C1orf162: variants seen among roughly 807,000 people sequenced by gnomAD.
The protein encoded by C1orf162 is chromosome 1 open reading frame 162, also known as transmembrane protein C1orf162.
Under a neutral mutation model 11.4 loss-of-function variants are expected in C1orf162, and 10 were observed. The ratio of observed to expected loss-of-function variants is 0.88; its 90% CI spans 0.54 to 1.48. The LOEUF (loss-of-function observed/expected upper bound fraction) is 1.48. Among genes scored for constraint, C1orf162 ranks in the 40% most tolerant of loss-of-function variants. The probability of loss-of-function intolerance (pLI) is 0.00; values close to 1 mark genes in which losing one functional copy is unlikely to be tolerated. For synonymous variants in C1orf162, 53 were observed against 55.0 expected, an observed-to-expected ratio of 0.96 and a Z score of 0.16; for missense variants, 140 against 149.5, an observed-to-expected ratio of 0.94 and a Z score of 0.33.
chr1:111,477,787 A>G lies in C1orf162; in HGVS notation c.252+12A>G. ...ATCCTCCAGCCAAGGTAAGATGACC[A>G]CACTGTTTTGGGGACACTGAAGGGC... On this transcript the variant is annotated intron_variant, in intron 5 of 5. Transcript: ENST00000369718. 1 of 1,613,956 alleles carries G rather than the reference A, an allele frequency of 6.2e-7. No individual in the cohort carries two copies. Among genetic ancestry groups the G allele is most frequent in the Non-Finnish European group, 8.5e-7 (1 of 1,179,890 alleles).
intron 1 of C1orf162, 116 bp downstream of exon 1, chr1:111,474,146 G>A (rs1653920017): frequency 6.6e-6 from 1 of 152,232 alleles, no homozygotes; most frequent in Admixed American, 6.5e-5. Context: ...AGGAAGGGTT[G>A]TATTTGAATG....
chr1:111,477,470 C>T, intron 4 of C1orf162, 42 bp downstream of exon 4: 1 of 1,557,398 alleles, frequency 6.4e-7, no homozygotes, highest in Admixed American at 1.7e-5. Flanking sequence ...TCTCTCTCTG[C>T]CATTGATACT....
rs778838154 is a variant in C1orf162 at position 111,477,945 on chromosome 1, A to G, written c.253-38A>G. The G allele has an allele frequency of 1.9e-6, 3 of 1,613,872 alleles. No homozygotes were observed. In the Admixed American group the frequency reaches 5.0e-5, roughly 27 times the overall value. ...TCTAAAGAGCAACCTTTTGCTCCAG[A>G]CTGGACTCACTCATTCCTCCTTTTT... On this transcript the variant is annotated intron_variant, in intron 5 of 5. Coordinates refer to ENST00000369718, the MANE Select transcript of C1orf162 (RefSeq NM_001300834.2).
Position 111,478,416 on chromosome 1 carries a change from T to C in C1orf162, c.*293T>C, listed in dbSNP as rs1043644309. On this transcript the variant is annotated 3_prime_UTR_variant, in exon 6 of 6. Coordinates refer to ENST00000369718, the MANE Select transcript of C1orf162 (RefSeq NM_001300834.2). ...CCAAAGTGTGTGGTACAGAGCTCAGTGCACAGAGTATTCACCCAGCATCAT... is the reference window on the plus strand; with the variant it reads ...CCAAAGTGTGTGGTACAGAGCTCAGCGCACAGAGTATTCACCCAGCATCAT... 2.2e-5 allele frequency: 9 copies of C among 405,318 alleles called. No individual in the cohort carries two copies. The highest frequency in any genetic ancestry group is 1.6e-4 in the African/African-American group (8 of 50,186). 25.1% of individuals were successfully genotyped at this position (405,318 alleles called of 1,614,324 possible).
intron 2 of C1orf162, among the ~76,000 whole-genome samples, chr1:111,476,492 A>C (rs1027789577): frequency 1.3e-5 from 2 of 152,156 alleles, no homozygotes; most frequent in African/African-American, 4.8e-5. Context: ...CTTAGGCCAG[A>C]GGGAGCATAT....
At chr1:111,477,610 C>T (rs748748379) in intron 4 of C1orf162, 116 bp from the exon 5 acceptor site, 3 of 1,570,136 alleles carry the variant, frequency 1.9e-6, no homozygotes, top group Middle Eastern at 1.8e-4. Flanking sequence ...GCCCCCCACC[C>T]ACCTGCCAAC....
intron 4 of C1orf162, 110 bp from the exon 5 acceptor site, chr1:111,477,616 C>T: frequency 6.3e-7 from 1 of 1,595,130 alleles, no homozygotes; most frequent in Non-Finnish European, 8.6e-7. Flanking sequence ...CACCCACCTG[C>T]CAACACCTCC....
chr1:111,476,897 C>G (rs753788162), intron 3 of C1orf162, 30 bp downstream of exon 3: 1 of 1,604,806 alleles, frequency 6.2e-7, no homozygotes. Context: ...TCTGTTTCAT[C>G]TTGTACCACG....
At chr1:111,477,308 TC>T (rs1398874623) in intron 3 of C1orf162, 25 bp from the exon 4 acceptor site, 1 of 1,590,272 alleles carries the variant, frequency 6.3e-7, no homozygotes, top group South Asian at 1.1e-5. Flanking sequence ...CAACAGTTCA[TC>T]CCCTGCCTTT....
At position 111,478,219 on chromosome 1, in the gene C1orf162, C is replaced by A; in HGVS notation, c.*96C>A. 1 of 1,406,162 alleles carries A rather than the reference C, an allele frequency of 7.1e-7. No homozygotes were observed. The highest frequency in any genetic ancestry group is 1.0e-6 in the Non-Finnish European group (1 of 1,004,582). The allele number at this position is 1,406,162 out of a possible 1,614,324, so 87.1% of individuals were successfully genotyped here. On this transcript the variant is annotated 3_prime_UTR_variant, in exon 6 of 6. Coordinates refer to ENST00000369718, the MANE Select transcript of C1orf162 (RefSeq NM_001300834.2). ...TTTTTTACAAATTTTGGACCACCAC[C>A]TGTGTGAAACTGCAGTCGGAGTTGT...
intron 1 of C1orf162, 61 bp from the exon 2 acceptor site, chr1:111,475,957 C>A: frequency 7.4e-7 from 1 of 1,343,522 alleles, no homozygotes; most frequent in African/African-American, 1.4e-5. Context: ...AGTCTCAGAG[C>A]TGGCCCTTAA....
chr1:111,477,013 G>A, intron 3 of C1orf162, 146 bp downstream of exon 3: 1 of 872,560 alleles, frequency 1.1e-6, no homozygotes, highest in East Asian at 2.6e-5. Context: ...TGTGATCTCA[G>A]GAGTATGGCT....
rs1253986129 is a variant in C1orf162, at chr1:111,477,779, A to T, written c.252+4A>T. ...TCACTCAGATCCTCCAGCCAAGGTA[A>T]GATGACCACACTGTTTTGGGGACAC... On this transcript the variant is annotated splice_donor_region_variant and intron_variant, in intron 5 of 5. Transcript: ENST00000369718. 6.2e-7 allele frequency: 1 copy of T among 1,614,036 alleles called. No homozygotes were observed. Among genetic ancestry groups the T allele is most frequent in the African/African-American group, 1.3e-5 (1 of 74,906 alleles).
Position 111,477,785 on chromosome 1 carries a change from C to T in C1orf162, c.252+10C>T. On this transcript the variant is annotated intron_variant, in intron 5 of 5. Coordinates refer to ENST00000369718, the MANE Select transcript of C1orf162 (RefSeq NM_001300834.2). Reference sequence around the variant, plus strand: ...AGATCCTCCAGCCAAGGTAAGATGACCACACTGTTTTGGGGACACTGAAGG... The same window carrying T: ...AGATCCTCCAGCCAAGGTAAGATGATCACACTGTTTTGGGGACACTGAAGG... The T allele has an allele frequency of 4.3e-6, 7 of 1,614,036 alleles. No individual in the cohort carries two copies. The highest frequency in any genetic ancestry group is 5.9e-6 in the Non-Finnish European group (7 of 1,179,916).
chr1:111,477,301 C>G, intron 3 of C1orf162, 33 bp from the exon 4 acceptor site: 2 of 1,573,008 alleles, frequency 1.3e-6, no homozygotes, highest in East Asian at 4.5e-5. Flanking sequence ...AAAAGCCCAA[C>G]AGTTCATCCC....
At position 111,477,300 on chromosome 1, in the gene C1orf162, A is replaced by G. The variant is rs746620063; in HGVS notation, c.108-34A>G. On this transcript the variant is annotated intron_variant, in intron 3 of 5. Transcript: ENST00000369718. ...TTTAGGAAAGGCCTTCAAAAGCCCA[A>G]CAGTTCATCCCCTGCCTTTCTTTGC... 8 of 1,574,470 alleles carry G rather than the reference A, an allele frequency of 5.1e-6. No individual in the cohort carries two copies. In the African/African-American group the frequency reaches 9.5e-5, roughly 19 times the overall value.
chr1:111,476,772 C>G (rs913154356), intron 2 of C1orf162, 26 bp from the exon 3 acceptor site: 1 of 1,610,330 alleles, frequency 6.2e-7, no homozygotes, highest in African/African-American at 1.3e-5. Flanking sequence ...GACAGATACA[C>G]TAATTCCTTT....
At chr1:111,476,370 T>A (rs2800886) in intron 2 of C1orf162, among the ~76,000 whole-genome samples, 27 of 152,184 alleles carry the variant, frequency 1.8e-4, no homozygotes, top group Non-Finnish European at 3.4e-4. Flanking sequence ...TAGGCACTGC[T>A]AATAGCTGCT....
Position 111,478,262 on chromosome 1 carries a change from A to G in C1orf162, c.*139A>G. Reference sequence around the variant, plus strand: ...GGAGTTGTTTAGATGTGATCTGGCAATGCTATCCAGCATCTTTGGAGACCA... The same window carrying G: ...GGAGTTGTTTAGATGTGATCTGGCAGTGCTATCCAGCATCTTTGGAGACCA... On this transcript the variant is annotated 3_prime_UTR_variant, in exon 6 of 6. Coordinates refer to ENST00000369718, the MANE Select transcript of C1orf162 (RefSeq NM_001300834.2). 2 of 985,918 alleles carry G rather than the reference A, an allele frequency of 2.0e-6. No homozygotes were observed. Among genetic ancestry groups the G allele is most frequent in the Non-Finnish European group, 3.0e-6 (2 of 656,186 alleles). 61.1% of individuals were successfully genotyped at this position (985,918 alleles called of 1,614,324 possible).
Sources: allele counts gnomAD v4.1 joint callset (sites outside exome capture counted in the v4.1 genomes callset), GRCh38; gene constraint gnomAD v4.1.1; transcripts MANE v1.5; gene names NCBI Gene and HGNC (gene_info 2026-07-23, HGNC 2026-07-21).